VRK3: variants seen among roughly 807,000 people sequenced by gnomAD.
VRK3 encodes the protein VRK serine/threonine kinase 3, also known as serine/threonine-protein kinase VRK3.
VRK3 carries 50 observed loss-of-function variants against 60.4 expected under a neutral mutation model. The ratio of observed to expected loss-of-function variants is 0.83; its 90% CI spans 0.66 to 1.05. The LOEUF is 1.05. Among genes scored for constraint, VRK3 ranks in the 50% least tolerant of loss-of-function variants. The probability of loss-of-function intolerance (pLI) is 0.00; values close to 1 mark genes in which losing one functional copy is unlikely to be tolerated. For synonymous variants in VRK3, 246 were observed against 227.8 expected, an observed-to-expected ratio of 1.08 and a Z score of -0.72; for missense variants, 549 against 585.3, an observed-to-expected ratio of 0.94 and a Z score of 0.64.
chr19:50,014,467 G>A (rs866650969), intron 3 of VRK3, among the ~76,000 whole-genome samples: 2 of 152,038 alleles, frequency 1.3e-5, no homozygotes, highest in Non-Finnish European at 2.9e-5. Context: ...GCTGAGGCAG[G>A]AGAATTGCTT....
At chr19:50,007,853 A>T (rs1191687177) in intron 4 of VRK3, 27 bp from the exon 5 acceptor site, 1 of 1,613,342 alleles carries the variant, frequency 6.2e-7, no homozygotes, top group Admixed American at 1.7e-5. Flanking sequence ...GAATAAAGTA[A>T]AAGCACCATC....
intron 6 of VRK3, chr19:50,000,135 A>G (rs2076776273): frequency 6.6e-6 from 1 of 152,326 alleles, no homozygotes; most frequent in Non-Finnish European, 1.5e-5. Flanking sequence ...TGATAAACAA[A>G]AAGAAAATAA....
intron 11 of VRK3, 67 bp from the exon 12 acceptor site, chr19:49,988,559 C>T (rs568430140): frequency 1.6e-4 from 251 of 1,564,218 alleles, no homozygotes; most frequent in Non-Finnish European, 2.0e-4. Flanking sequence ...GGTCCACCCC[C>T]CTTCCTTCCC....
Position 49,989,714 on chromosome 19 carries a change from C to A in VRK3, c.1021G>T (p.Ala341Ser), listed in dbSNP as rs139747284. 609 of 1,613,788 alleles carry A rather than the reference C, an allele frequency of 3.8e-4. No individual in the cohort carries two copies. Among genetic ancestry groups the A allele is most frequent in the Non-Finnish European group, 4.9e-4 (579 of 1,179,844 alleles). The stretch of plus-strand genomic sequence containing the variant: ...GGGCTCCTGCTGCCTTCCACGTAGG[C>A]CACGTGTTTGCCACTTGGGCAATAG... ...FRYCPSGKHVAYVEGSRSPHE... is the reference protein window; with the variant it reads ...FRYCPSGKHVSYVEGSRSPHE... Residue 341 changes from alanine to serine, a missense_variant, in exon 11 of 15, where the codon GCC becomes TCC. Coordinates refer to ENST00000316763, the MANE Select transcript of VRK3 (RefSeq NM_016440.4).
intron 14 of VRK3, among the ~76,000 whole-genome samples, chr19:49,978,207 A>C (rs1024194854): frequency 6.6e-6 from 1 of 152,236 alleles, no homozygotes; most frequent in African/African-American, 2.4e-5. Context: ...CATCCTGACA[A>C]CCAAGTGTCT....
chr19:50,009,435 CA>C (rs1178979182), intron 3 of VRK3, 50 bp from the exon 4 acceptor site: 6 of 1,602,718 alleles, frequency 3.7e-6, no homozygotes, highest in Non-Finnish European at 5.1e-6. Flanking sequence ...GGCCCCTCTG[CA>C]GGCACCATTG....
rs1011441433 is a variant in VRK3, at chr19:50,005,783, C to T, written c.547+1786G>A. On this transcript the variant is annotated intron_variant, in intron 5 of 14. Transcript: ENST00000316763. ...ATGCCAGACACAAGAGGCCACACAG[C>T]GCAGGACTCCACTTCTGTGAACACC... Among the ~76,000 whole-genome samples, 4 of 149,634 alleles carry T rather than the reference C, an allele frequency of 2.7e-5. 1 individual carries two copies. Among genetic ancestry groups the T allele is most frequent in the Admixed American group, 1.3e-4 (2 of 15,238 alleles).
intron 3 of VRK3, among the ~76,000 whole-genome samples, chr19:50,010,308 A>G (rs10416851): frequency 0.052 from 7,984 of 152,182 alleles, 690 homozygotes; most frequent in African/African-American, 0.18. Flanking sequence ...TTAATTCTAA[A>G]GTCTGTGGTC....
intron 5 of VRK3, 80 bp from the exon 6 acceptor site, chr19:50,000,934 A>C: frequency 7.2e-7 from 1 of 1,382,138 alleles, no homozygotes; most frequent in Non-Finnish European, 1.0e-6. Flanking sequence ...CCCAGCAATG[A>C]GAAGCGGCTC....
chr19:49,982,103 G>A, intron 12 of VRK3: 1 of 702,778 alleles, frequency 1.4e-6, no homozygotes, highest in South Asian at 1.5e-5. Flanking sequence ...GGGAGGAGGT[G>A]GAAAACTGCA....
At chr19:50,002,326 A>G (rs1468724742) in intron 5 of VRK3, among the ~76,000 whole-genome samples, 1 of 152,126 alleles carries the variant, frequency 6.6e-6, no homozygotes, top group Non-Finnish European at 1.5e-5. Context: ...TTCAAGGCCA[A>G]GGGTGCTCTG....
rs10417648 is a variant in VRK3 at position 49,980,470 on chromosome 19, C to T, written c.1276+485G>A. Among the ~76,000 whole-genome samples the T allele has an allele frequency of 5.5e-3, 833 of 152,216 alleles. 5 individuals are homozygous for T. The highest frequency in any genetic ancestry group is 0.019 in the African/African-American group (787 of 41,536). On this transcript the variant is annotated intron_variant, in intron 13 of 14. Transcript: ENST00000316763. ...GTGGCTCTTGCCTGTAATCCCAGCA[C>T]TTTGGGAGGCCGAGGTAGGTAGATC...
At chr19:49,989,351 G>A (rs574634335) in intron 11 of VRK3, among the ~76,000 whole-genome samples, 1 of 152,212 alleles carries the variant, frequency 6.6e-6, no homozygotes, top group South Asian at 2.1e-4. Flanking sequence ...AGCCCCTCCT[G>A]GATGACTCCT....
intron 3 of VRK3, 133 bp downstream of exon 3, chr19:50,015,891 A>C (rs1600720484): frequency 8.2e-7 from 1 of 1,213,628 alleles, no homozygotes; most frequent in East Asian, 2.3e-5. Context: ...AGAGGGGTCC[A>C]GTCCTGAGGC....
chr19:49,984,139 A>G (rs928341119), intron 12 of VRK3, among the ~76,000 whole-genome samples: 4 of 152,152 alleles, frequency 2.6e-5, no homozygotes, highest in African/African-American at 9.7e-5. Flanking sequence ...GACCGCTCTT[A>G]GGAGTTAGGA....
chr19:50,019,588 C>T lies in VRK3; in HGVS notation c.-2+997G>A, dbSNP rs902367481. Among the ~76,000 whole-genome samples the T allele has an allele frequency of 7.5e-5, 11 of 146,374 alleles. No homozygotes were observed. The East Asian group carries it at 1.5e-3, about 20-fold the overall frequency. On this transcript the variant is annotated intron_variant, in intron 2 of 14. Coordinates refer to ENST00000316763, the MANE Select transcript of VRK3 (RefSeq NM_016440.4). ...GCAATGGCATGATCATGGCTCACTG[C>T]GGCCTCGAGCTCTTGGGCTCAAGCC...
intron 5 of VRK3, among the ~76,000 whole-genome samples, chr19:50,004,858 C>CG (rs1555849604): frequency 2.6e-5 from 4 of 151,800 alleles, no homozygotes; most frequent in Non-Finnish European, 4.4e-5. Flanking sequence ...TGCAGTGAGC[C>CG]GTGATTGCAC....
At chr19:49,997,592 A>G (rs374165451) in intron 6 of VRK3, 22 bp from the exon 7 acceptor site, 1,176 of 1,613,406 alleles carry the variant, frequency 7.3e-4, no homozygotes, top group Non-Finnish European at 9.7e-4. Flanking sequence ...CAGGAGGGGC[A>G]GAAGGCTGTC....
chr19:49,993,054 G>A (rs982047030), intron 9 of VRK3, 102 bp from the exon 10 acceptor site: 2 of 1,034,722 alleles, frequency 1.9e-6, no homozygotes, highest in East Asian at 2.4e-5. Context: ...GCCTGGGGTT[G>A]TCCGACACTG....
Sources: allele counts gnomAD v4.1 joint callset (sites outside exome capture counted in the v4.1 genomes callset), GRCh38; gene constraint gnomAD v4.1.1; transcripts MANE v1.5; gene names NCBI Gene and HGNC (gene_info 2026-07-23, HGNC 2026-07-21).